Variants in KIRREL3 observed in about 807,000 individuals in gnomAD.
The protein encoded by KIRREL3 is kin of IRRE-like protein 3.
In KIRREL3, 36 loss-of-function variants were observed where a neutral mutation model predicts 89.7. The observed-to-expected ratio is 0.40, with a 90% CI of 0.31 to 0.53. The LOEUF is 0.53. Among genes scored for constraint, KIRREL3 ranks in the 20% least tolerant of loss-of-function variants. The pLI, the probability that KIRREL3 is intolerant of heterozygous loss-of-function variation, is 0.49. For synonymous variants in KIRREL3, 445 were observed against 441.4 expected (o/e 1.01, Z -0.10); for missense variants, 864 against 1,056.6 (o/e 0.82, Z 2.53).
chr11:126,680,118 A>G (rs1310334815), intron 1 of KIRREL3, among the ~76,000 whole-genome samples: 1 of 152,208 alleles, frequency 6.6e-6, no homozygotes, highest in Non-Finnish European at 1.5e-5. Flanking sequence ...CTCAAAACAC[A>G]TGTGAACTAC....
chr11:126,680,836 C>G (rs534022784), intron 1 of KIRREL3, among the ~76,000 whole-genome samples: 1 of 151,902 alleles, frequency 6.6e-6, no homozygotes, highest in Non-Finnish European at 1.5e-5. Context: ...GTATAATTAA[C>G]CATTCATCAA....
chr11:126,578,254 GA>G lies in KIRREL3; in HGVS notation c.56-15343del, dbSNP rs961646336. On this transcript the variant is annotated intron_variant, in intron 1 of 16. Transcript: ENST00000525144. The surrounding 1 kb of genome is among the most constrained non-coding windows in gnomAD (Gnocchi z 4.9). ...CGGTCCTGGGATGCTTGCAGCCCAG[GA>G]AATGCTCCCTCCCTCTCCCCTCCAG... 6.6e-6 allele frequency among the ~76,000 whole-genome samples: 1 copy of G among 152,146 alleles called. No individual in the cohort carries two copies. Among genetic ancestry groups the G allele is most frequent in the African/African-American group, 2.4e-5 (1 of 41,442 alleles).
rs914218530 is a variant in KIRREL3, at chr11:126,653,804, C to A, written c.56-90892G>T. ...GAGAAGGTGGAGAAGGGCAGGGATG[C>A]CCCTGGCACTTTTTTTGTCTCTGGT... On this transcript the variant is annotated intron_variant, in intron 1 of 16. Transcript: ENST00000525144. This position sits in a 1 kb window ranked among gnomAD's most constrained non-coding sequence, Gnocchi z 5.4. Among the ~76,000 whole-genome samples the A allele has an allele frequency of 6.6e-6, 1 of 152,206 alleles. No individual in the cohort carries two copies. Among genetic ancestry groups the A allele is most frequent in the East Asian group, 1.9e-4 (1 of 5,190 alleles).
Position 126,612,276 on chromosome 11 carries a change from C to T in KIRREL3, c.56-49364G>A, listed in dbSNP as rs190922599. Among the ~76,000 whole-genome samples the T allele has an allele frequency of 7.4e-4, 112 of 151,962 alleles. No individual in the cohort carries two copies. Among genetic ancestry groups the T allele is most frequent in the Admixed American group, 1.6e-3 (24 of 15,270 alleles). On this transcript the variant is annotated intron_variant, in intron 1 of 16. Transcript: ENST00000525144. The surrounding 1 kb of genome is among the most constrained non-coding windows in gnomAD (Gnocchi z 4.5). ...CAGAATTTGAGTATTATATGGACAC[C>T]CTTGGCATATAATAAATGCTCCCTC...
intron 1 of KIRREL3, among the ~76,000 whole-genome samples, chr11:126,702,950 A>G (rs1435736579): frequency 6.6e-6 from 1 of 152,214 alleles, no homozygotes; most frequent in African/African-American, 2.4e-5. Context: ...AGCCAGCTAC[A>G]TGCTTTCTTC....
intron 4 of KIRREL3, among the ~76,000 whole-genome samples, chr11:126,512,546 G>A (rs1012993310): frequency 1.3e-5 from 2 of 152,174 alleles, no homozygotes; most frequent in African/African-American, 4.8e-5. Context: ...AAGTGGGTGA[G>A]GGGCCTCCTC....
rs1940422820 is a variant in KIRREL3, at chr11:126,565,129, G to T, written c.56-2217C>A. Among the ~76,000 whole-genome samples, 1 of 152,126 alleles carries T rather than the reference G, an allele frequency of 6.6e-6. No homozygotes were observed. The highest frequency in any genetic ancestry group is 2.4e-5 in the African/African-American group (1 of 41,424). ...GGCAGAAGATACTGGATGGATTTAGGCCAATGTTCCAGCTGGTCTTCTGGA... is the reference window on the plus strand; with the variant it reads ...GGCAGAAGATACTGGATGGATTTAGTCCAATGTTCCAGCTGGTCTTCTGGA... On this transcript the variant is annotated intron_variant, in intron 1 of 16. Transcript: ENST00000525144. This position sits in a 1 kb window ranked among gnomAD's most constrained non-coding sequence, Gnocchi z 5.4.
intron 1 of KIRREL3, among the ~76,000 whole-genome samples, chr11:126,787,241 C>T (rs1331927248): frequency 6.6e-6 from 1 of 152,138 alleles, no homozygotes; most frequent in Non-Finnish European, 1.5e-5. Context: ...CCCTATGGCA[C>T]AAATTTTCAG....
chr11:126,923,489 G>A (rs1354447251), intron 1 of KIRREL3, among the ~76,000 whole-genome samples: 2 of 139,822 alleles, frequency 1.4e-5, no homozygotes, highest in African/African-American at 2.7e-5. Context: ...TATCGCCCAG[G>A]CTGGAGTGCA....
intron 1 of KIRREL3, among the ~76,000 whole-genome samples, chr11:126,662,964 TCA>T (rs1945483167): frequency 7.0e-6 from 1 of 143,668 alleles, no homozygotes; most frequent in African/African-American, 2.6e-5. Context: ...GTATTTCTAC[TCA>T]GAACTGGAGC....
intron 1 of KIRREL3, among the ~76,000 whole-genome samples, chr11:126,926,946 C>A (rs146159284): frequency 6.6e-6 from 1 of 152,170 alleles, no homozygotes; most frequent in East Asian, 1.9e-4. Context: ...TCCTTTTTAT[C>A]CTGAGCCATG....
At chr11:126,663,259 C>A (rs1001091452) in intron 1 of KIRREL3, among the ~76,000 whole-genome samples, 1 of 128,784 alleles carries the variant, frequency 7.8e-6, no homozygotes, top group Non-Finnish European at 1.5e-5. Flanking sequence ...GATCTTCTTT[C>A]ACCGCAAACT....
rs1274321719 is a variant in KIRREL3, at chr11:126,490,891, G to C, written c.434-17425C>G. Among the ~76,000 whole-genome samples the C allele has an allele frequency of 1.3e-5, 2 of 152,150 alleles. No individual in the cohort carries two copies. The highest frequency in any genetic ancestry group is 4.8e-5 in the African/African-American group (2 of 41,420). On this transcript the variant is annotated intron_variant, in intron 4 of 16. Transcript: ENST00000525144. This position sits in a 1 kb window ranked among gnomAD's most constrained non-coding sequence, Gnocchi z 4.2. Reference sequence around the variant, plus strand: ...CCTTCTGGAGTGCAAGGTCAGGCAGGGATGCTCATTTGCTCTTAAGGGTGC... The same window carrying C: ...CCTTCTGGAGTGCAAGGTCAGGCAGCGATGCTCATTTGCTCTTAAGGGTGC...
intron 1 of KIRREL3, among the ~76,000 whole-genome samples, chr11:126,950,455 C>T (rs1362561233): frequency 2.6e-5 from 4 of 152,164 alleles, no homozygotes; most frequent in Admixed American, 6.5e-5. Flanking sequence ...CTGACCTCTA[C>T]GGGCAGGCGG....
At chr11:126,633,428 G>C (rs1944132555) in intron 1 of KIRREL3, among the ~76,000 whole-genome samples, 1 of 152,112 alleles carries the variant, frequency 6.6e-6, no homozygotes, top group Non-Finnish European at 1.5e-5. Context: ...GGGTTGTGGG[G>C]GTGGATCTGT....
intron 1 of KIRREL3, among the ~76,000 whole-genome samples, chr11:126,809,952 T>G (rs1384554722): frequency 6.6e-6 from 1 of 152,186 alleles, no homozygotes; most frequent in Non-Finnish European, 1.5e-5. Flanking sequence ...GGTCTAGGTG[T>G]GAAAAAGTTA....
At chr11:126,446,578 G>A (rs1955822218) in intron 9 of KIRREL3, among the ~76,000 whole-genome samples, 181 bp downstream of exon 9, 1 of 152,228 alleles carries the variant, frequency 6.6e-6, no homozygotes, top group South Asian at 2.1e-4. Context: ...CTCAGGGTGG[G>A]ACAGGCACAT....
At chr11:126,451,424 G>A (rs1222161271) in intron 7 of KIRREL3, among the ~76,000 whole-genome samples, 3 of 150,280 alleles carry the variant, frequency 2.0e-5, no homozygotes, top group Admixed American at 2.0e-4. Context: ...GTGCATGTGT[G>A]AGCGTGTGCA....
intron 1 of KIRREL3, among the ~76,000 whole-genome samples, chr11:126,882,476 G>C (rs1246613958): frequency 6.6e-6 from 1 of 152,100 alleles, no homozygotes; most frequent in Non-Finnish European, 1.5e-5. Flanking sequence ...GAGATGGTTT[G>C]TCCACCCTGT....
Sources: gnomAD v4.1 joint callset for allele counts (sites outside exome capture counted in the v4.1 genomes callset) on GRCh38, gnomAD v4.1.1 for gene constraint, Gnocchi (gnomAD v3.1) non-coding constraint, MANE v1.5 for transcripts, NCBI Gene and HGNC (gene_info 2026-07-23, HGNC 2026-07-21) for gene names.